DYNC1I1: variants seen among roughly 807,000 people sequenced by gnomAD.
DYNC1I1 encodes cytoplasmic dynein 1 intermediate chain 1.
A neutral mutation model predicts 86.6 loss-of-function variants in DYNC1I1; 43 were observed. The ratio of observed to expected loss-of-function variants is 0.50; its 90% CI spans 0.39 to 0.64. The LOEUF (loss-of-function observed/expected upper bound fraction) is 0.64. DYNC1I1 is among the 30% of genes least tolerant of loss of function. The pLI is 0.00. For synonymous variants in DYNC1I1, 262 were observed against 283.7 expected, an observed-to-expected ratio of 0.92 and a Z score of 0.77; for missense variants, 604 against 788.8, an observed-to-expected ratio of 0.77 and a Z score of 2.81.
chr7:95,916,256 A>G, intron 6 of DYNC1I1, among the ~76,000 whole-genome samples: 1 of 152,230 alleles, frequency 6.6e-6, no homozygotes, highest in East Asian at 1.9e-4. Context: ...AAGTCACTTC[A>G]TTGTGGGCTT....
At chr7:96,096,159 G>T (rs1169924001) in intron 16 of DYNC1I1, among the ~76,000 whole-genome samples, 1 of 152,072 alleles carries the variant, frequency 6.6e-6, no homozygotes, top group East Asian at 1.9e-4. Flanking sequence ...TTTGCACAAT[G>T]AAGTTGCCAC....
intron 5 of DYNC1I1, among the ~76,000 whole-genome samples, chr7:95,864,984 G>A (rs1789980250): frequency 6.6e-6 from 1 of 152,032 alleles, no homozygotes; most frequent in Non-Finnish European, 1.5e-5. Context: ...TGTGGGGAAA[G>A]GGGGAAGGTG....
chr7:95,953,375 A>T (rs890776895), intron 6 of DYNC1I1, among the ~76,000 whole-genome samples: 6 of 151,902 alleles, frequency 3.9e-5, no homozygotes, highest in Admixed American at 3.3e-4. Flanking sequence ...TTCTCTCCGC[A>T]TTTGCTTTCT....
intron 16 of DYNC1I1, among the ~76,000 whole-genome samples, chr7:96,103,999 G>A (rs753614488): frequency 7.2e-5 from 11 of 152,082 alleles, no homozygotes; most frequent in Non-Finnish European, 1.2e-4. Context: ...AGCATGAAAT[G>A]GTATCTAGCT....
intron 5 of DYNC1I1, among the ~76,000 whole-genome samples, chr7:95,841,938 T>C (rs1191246761): frequency 6.6e-6 from 1 of 152,212 alleles, no homozygotes; most frequent in Non-Finnish European, 1.5e-5. Flanking sequence ...GCCTCTGTTC[T>C]CTGCCATTCC....
At chr7:95,920,171 C>T (rs2116373591) in intron 6 of DYNC1I1, among the ~76,000 whole-genome samples, 1 of 152,290 alleles carries the variant, frequency 6.6e-6, no homozygotes, top group Admixed American at 6.5e-5. Flanking sequence ...TCAACATCAA[C>T]AGCAATGAAT....
intron 5 of DYNC1I1, among the ~76,000 whole-genome samples, chr7:95,833,859 G>A (rs1788994802): frequency 6.7e-6 from 1 of 149,742 alleles, no homozygotes; most frequent in South Asian, 2.2e-4. Flanking sequence ...CTCAGCTTAA[G>A]GAGATTTTGG....
intron 1 of DYNC1I1, among the ~76,000 whole-genome samples, chr7:95,793,969 G>A (rs1197622806): frequency 1.3e-5 from 2 of 152,178 alleles, no homozygotes; most frequent in Non-Finnish European, 2.9e-5. Context: ...CTCAATGAAT[G>A]TTTTAGAACC....
intron 15 of DYNC1I1, among the ~76,000 whole-genome samples, 161 bp downstream of exon 15, chr7:96,076,358 G>T (rs965579967): frequency 9.2e-5 from 14 of 152,206 alleles, no homozygotes; most frequent in Non-Finnish European, 1.6e-4. Flanking sequence ...AAGGGAATTG[G>T]CAGATGCATT....
chr7:95,791,845 ATG>A lies in DYNC1I1; in HGVS notation c.-9-12872_-9-12871del, dbSNP rs1286490328. 2.6e-5 allele frequency among the ~76,000 whole-genome samples: 4 copies of A among 152,194 alleles called. No individual in the cohort carries two copies. The East Asian group carries it at 7.7e-4, about 29-fold the overall frequency. On this transcript the variant is annotated intron_variant, in intron 1 of 16. Transcript: ENST00000447467. ...GAATGGATGAGACAATGTTAGGAGT[ATG>A]TGTTTGTTGCACATTTGTACTAATG...
chr7:95,772,964 C>T (rs761854647), intron 1 of DYNC1I1, among the ~76,000 whole-genome samples, 191 bp downstream of exon 1: 15 of 152,288 alleles, frequency 9.8e-5, no homozygotes, highest in Admixed American at 2.6e-4. Flanking sequence ...GCGGCCAAAG[C>T]CCCCCAGTGA....
At chr7:95,779,345 TACTG>T (rs1304715713) in intron 1 of DYNC1I1, among the ~76,000 whole-genome samples, 1 of 152,220 alleles carries the variant, frequency 6.6e-6, no homozygotes, top group African/African-American at 2.4e-5. Context: ...ATATCCCACT[TACTG>T]ACTGTGTGAG....
intron 6 of DYNC1I1, among the ~76,000 whole-genome samples, chr7:95,950,803 A>G (rs1792531373): frequency 6.6e-6 from 1 of 152,240 alleles, no homozygotes; most frequent in African/African-American, 2.4e-5. Context: ...CAACAAAAGC[A>G]TATTGGTAAA....
rs1794871805 is a variant in DYNC1I1 at position 95,813,286 on chromosome 7, C to T, written c.263C>T (p.Thr88Ile). The T allele has an allele frequency of 6.2e-7, 1 of 1,612,744 alleles. No individual in the cohort carries two copies. Among genetic ancestry groups the T allele is most frequent in the Non-Finnish European group, 8.5e-7 (1 of 1,179,520 alleles). The change falls in exon 4 of 17, where the codon ACT (threonine) becomes ATT (isoleucine). Residue 88 changes from threonine to isoleucine, a missense_variant. By Grantham distance (89) the Thr-to-Ile change is moderately conservative (BLOSUM62 -1). Coordinates refer to ENST00000447467, the MANE Select transcript of DYNC1I1 (RefSeq NM_001135556.2). ...PMSPSSKSVS[T>I]PSEAGSQDSG... Reference sequence around the variant, plus strand: ...TCTCCCTCCTCGAAATCAGTGAGCACTCCCAGTGAAGCTGGAAGCCAAGAC... The same window carrying T: ...TCTCCCTCCTCGAAATCAGTGAGCATTCCCAGTGAAGCTGGAAGCCAAGAC...
chr7:96,052,057 G>A (rs1789418955), intron 14 of DYNC1I1, among the ~76,000 whole-genome samples: 1 of 152,078 alleles, frequency 6.6e-6, no homozygotes, highest in Non-Finnish European at 1.5e-5. Context: ...AAGTCCCTGT[G>A]TTTTTTGTCT....
At chr7:96,107,505 T>A (rs1263713717) in intron 16 of DYNC1I1, among the ~76,000 whole-genome samples, 1 of 151,940 alleles carries the variant, frequency 6.6e-6, no homozygotes, top group Non-Finnish European at 1.5e-5. Context: ...AGTTTGTTTA[T>A]GCTTATCTGG....
At chr7:95,842,975 G>A (rs1421242775) in intron 5 of DYNC1I1, among the ~76,000 whole-genome samples, 2 of 152,090 alleles carry the variant, frequency 1.3e-5, no homozygotes, top group East Asian at 1.9e-4. Context: ...CTTTGACCAA[G>A]TTTTATCTTT....
At chr7:95,881,039 G>A (rs973280281) in intron 6 of DYNC1I1, among the ~76,000 whole-genome samples, 4 of 152,052 alleles carry the variant, frequency 2.6e-5, no homozygotes, top group Non-Finnish European at 5.9e-5. Context: ...AACAGTAGAA[G>A]GAAAATTATG....
chr7:95,860,224 A>G (rs1056927061), intron 5 of DYNC1I1, among the ~76,000 whole-genome samples: 1 of 152,190 alleles, frequency 6.6e-6, no homozygotes, highest in Non-Finnish European at 1.5e-5. Flanking sequence ...TCTCTCTATC[A>G]TAATGATCTG....
Sources: gnomAD v4.1 joint callset for allele counts (sites outside exome capture counted in the v4.1 genomes callset) on GRCh38, gnomAD v4.1.1 for gene constraint, MANE v1.5 for transcripts, NCBI Gene and HGNC (gene_info 2026-07-23, HGNC 2026-07-21) for gene names.